ARHGEF28: variants seen among roughly 807,000 people sequenced by gnomAD.
ARHGEF28 encodes Rho guanine nucleotide exchange factor 28.
Under a neutral mutation model 206.6 loss-of-function variants are expected in ARHGEF28, and 152 were observed. The ratio of observed to expected loss-of-function variants is 0.74; its 90% CI spans 0.64 to 0.84. The LOEUF (loss-of-function observed/expected upper bound fraction) is 0.84. Ranked by LOEUF, ARHGEF28 falls within the 40% of genes least tolerant of loss-of-function variation. The probability of loss-of-function intolerance (pLI) is 0.00; values close to 1 mark genes in which losing one functional copy is unlikely to be tolerated. For missense variants in ARHGEF28, 2,028 were observed against 2,073.2 expected (o/e 0.98, Z 0.42); for synonymous variants, 763 against 776.4 (o/e 0.98, Z 0.29).
chr5:73,764,532 T>A (rs1276255508), intron 4 of ARHGEF28, among the ~76,000 whole-genome samples: 2 of 152,202 alleles, frequency 1.3e-5, no homozygotes, highest in Non-Finnish European at 2.9e-5. Context: ...TGAATGTGTG[T>A]GTGATGGGTG....
chr5:73,935,762 A>G lies in ARHGEF28; in HGVS notation c.4949-5082A>G, dbSNP rs150172448. ...GAATTTTTGATTTAGGAACATGCAC[A>G]AGGGATATAGTAATAAGAAGTACAA... On this transcript the variant is annotated intron_variant, in intron 35 of 35. Coordinates refer to ENST00000513042, the MANE Select transcript of ARHGEF28 (RefSeq NM_001177693.2). Among the ~76,000 whole-genome samples the G allele has an allele frequency of 3.9e-5, 6 of 152,320 alleles. No homozygotes were observed. The East Asian group carries it at 1.2e-3, about 29-fold the overall frequency.
intron 35 of ARHGEF28, among the ~76,000 whole-genome samples, chr5:73,934,183 G>T (rs1332127091): frequency 6.6e-6 from 1 of 152,114 alleles, no homozygotes; most frequent in Non-Finnish European, 1.5e-5. Context: ...CCACATTCTG[G>T]ATTTTCCTGA....
At chr5:73,700,904 A>C (rs1456778075) in intron 2 of ARHGEF28, among the ~76,000 whole-genome samples, 1 of 152,226 alleles carries the variant, frequency 6.6e-6, no homozygotes, top group Non-Finnish European at 1.5e-5. Context: ...TGAGACAAGA[A>C]TATCCCAAGG....
intron 4 of ARHGEF28, among the ~76,000 whole-genome samples, chr5:73,768,739 T>C (rs1753048548): frequency 6.6e-6 from 1 of 151,974 alleles, no homozygotes; most frequent in African/African-American, 2.4e-5. Context: ...TGAGGGACCA[T>C]TGGGAAGGCA....
At chr5:73,806,338 T>TA (rs1755443579) in intron 9 of ARHGEF28, among the ~76,000 whole-genome samples, 1 of 131,856 alleles carries the variant, frequency 7.6e-6, no homozygotes, top group Non-Finnish European at 1.6e-5. Flanking sequence ...AGAGTATATA[T>TA]ATACTATGTA....
At chr5:73,636,832 G>A (rs1743747324) in intron 1 of ARHGEF28, among the ~76,000 whole-genome samples, 1 of 152,168 alleles carries the variant, frequency 6.6e-6, no homozygotes, top group African/African-American at 2.4e-5. Context: ...CAAGTTCTAT[G>A]TTTCTGTGGA....
At chr5:73,636,511 G>GA (rs1743725949) in intron 1 of ARHGEF28, among the ~76,000 whole-genome samples, 1 of 152,210 alleles carries the variant, frequency 6.6e-6, no homozygotes, top group South Asian at 2.1e-4. Context: ...AGCAGCAGAA[G>GA]AAATTAGAAG....
At position 73,703,647 on chromosome 5, in the gene ARHGEF28, T is replaced by TTGTGTGTGTG. The variant is rs56160198; in HGVS notation, c.33+18781_33+18790dup. ...AATTTCTACTTATCCTTTCCCAGCA[T>TTGTGTGTGTG]TGTGTGTGTGTGTGTGTGTGTGTGT... On this transcript the variant is annotated intron_variant, in intron 2 of 35. Coordinates refer to ENST00000513042, the MANE Select transcript of ARHGEF28 (RefSeq NM_001177693.2). Among the ~76,000 whole-genome samples the TTGTGTGTGTG allele has an allele frequency of 4.1e-3, 578 of 139,698 alleles. 3 individuals carry two copies. The highest frequency in any genetic ancestry group is 0.014 in the African/African-American group (539 of 39,730). The allele number at this position is 139,698 out of a possible 152,430, so 91.6% of individuals were successfully genotyped here.
intron 1 of ARHGEF28, among the ~76,000 whole-genome samples, chr5:73,639,361 T>C (rs1354951593): frequency 6.6e-6 from 1 of 151,672 alleles, no homozygotes; most frequent in African/African-American, 2.4e-5. Context: ...GAGACATTTG[T>C]AATTAGCTCA....
intron 1 of ARHGEF28, among the ~76,000 whole-genome samples, chr5:73,658,153 A>G (rs75746153): frequency 2.7e-5 from 4 of 150,704 alleles, no homozygotes; most frequent in African/African-American, 9.7e-5. Context: ...AAAAAAAAAA[A>G]CTCAATTAAC....
At chr5:73,894,188 G>T (rs1761818391) in intron 28 of ARHGEF28, among the ~76,000 whole-genome samples, 1 of 152,230 alleles carries the variant, frequency 6.6e-6, no homozygotes, top group African/African-American at 2.4e-5. Flanking sequence ...TGGAAGCTGA[G>T]AAAGTTGTTA....
At chr5:73,755,095 G>C (rs370466731) in intron 4 of ARHGEF28, among the ~76,000 whole-genome samples, 1 of 151,310 alleles carries the variant, frequency 6.6e-6, no homozygotes, top group Non-Finnish European at 1.5e-5. Flanking sequence ...ATACTTGATC[G>C]TCTGGAGATA....
intron 2 of ARHGEF28, among the ~76,000 whole-genome samples, chr5:73,731,536 A>G (rs76645099): frequency 0.023 from 3,442 of 152,302 alleles, 162 homozygotes; most frequent in African/African-American, 0.078. Context: ...ATGTACTTCC[A>G]GGGAAGACCC....
intron 4 of ARHGEF28, among the ~76,000 whole-genome samples, chr5:73,761,274 A>T (rs929719720): frequency 6.6e-6 from 1 of 152,150 alleles, no homozygotes; most frequent in African/African-American, 2.4e-5. Flanking sequence ...GAAAGTTAAA[A>T]TTTTGCTATT....
Position 73,909,556 on chromosome 5 carries a change from G to A in ARHGEF28, c.4306G>A (p.Glu1436Lys), listed in dbSNP as rs1762754329. ...TCGCGACGCGGACAGGCAGCATGAGGAGCTGGCCAATGTGCACCAGCTTCA... is the reference window on the plus strand; with the variant it reads ...TCGCGACGCGGACAGGCAGCATGAGAAGCTGGCCAATGTGCACCAGCTTCA... The part of the protein sequence containing the change: ...KSRDADRQHE[E>K]LANVHQLQHQ... Residue 1436 changes from glutamate to lysine, a missense_variant, in exon 34 of 36, where the codon GAG becomes AAG. Glu to Lys is a moderately conservative substitution (Grantham distance 56). Around this residue, in one of 3 missense-constraint regions of ARHGEF28, gnomAD observed 803 missense variants for 768.0 expected, o/e 1.05. Transcript: ENST00000513042. The A allele has an allele frequency of 1.3e-6, 2 of 1,576,128 alleles. No individual in the cohort carries two copies. The highest frequency in any genetic ancestry group is 2.7e-5 in the African/African-American group (2 of 74,058).
chr5:73,749,816 C>A (rs1318068255), intron 2 of ARHGEF28, 21 bp from the exon 3 acceptor site: 2 of 1,612,838 alleles, frequency 1.2e-6, no homozygotes, highest in African/African-American at 2.7e-5. Context: ...CTGACAATGC[C>A]CCGACTTATT....
intron 9 of ARHGEF28, among the ~76,000 whole-genome samples, chr5:73,808,481 C>A (rs777309551): frequency 6.6e-6 from 1 of 152,120 alleles, no homozygotes; most frequent in South Asian, 2.1e-4. Flanking sequence ...CCCATTTCAC[C>A]GGGTGCCTGG....
chr5:73,875,773 A>G (rs1424410809), intron 22 of ARHGEF28, among the ~76,000 whole-genome samples: 10 of 151,872 alleles, frequency 6.6e-5, no homozygotes, highest in Non-Finnish European at 1.3e-4. Context: ...TATTCCATTG[A>G]TCTATATCTC....
At chr5:73,815,324 G>A (rs1756130165) in intron 9 of ARHGEF28, among the ~76,000 whole-genome samples, 1 of 151,828 alleles carries the variant, frequency 6.6e-6, no homozygotes, top group Non-Finnish European at 1.5e-5. Context: ...TTTTTGTGCT[G>A]CTGTTATTCT....
Sources: allele counts gnomAD v4.1 joint callset (sites outside exome capture counted in the v4.1 genomes callset), GRCh38; gene constraint gnomAD v4.1.1; regional missense constraint gnomAD v4.1.1; transcripts MANE v1.5; gene names NCBI Gene and HGNC (gene_info 2026-07-23, HGNC 2026-07-21).